Variants in COL24A1 observed in about 807,000 individuals in gnomAD.
The protein encoded by COL24A1 is collagen type XXIV alpha 1 chain, also known as collagen alpha-1(XXIV) chain.
A neutral mutation model predicts 253.9 loss-of-function variants in COL24A1; 224 were observed. The ratio of observed to expected loss-of-function variants is 0.88; its 90% CI spans 0.79 to 0.99. The LOEUF is 0.99. COL24A1 is among the 50% of genes least tolerant of loss of function. The probability of loss-of-function intolerance (pLI) is 0.00; values close to 1 mark genes in which losing one functional copy is unlikely to be tolerated. For synonymous variants in COL24A1, 685 were observed against 673.7 expected (o/e 1.02, Z -0.26); for missense variants, 2,131 against 2,068.5 (o/e 1.03, Z -0.59).
intron 51 of COL24A1, 66 bp downstream of exon 51, chr1:85,783,430 A>G: frequency 7.8e-7 from 1 of 1,288,846 alleles, no homozygotes; most frequent in Non-Finnish European, 1.1e-6. Context: ...TTACATTTAG[A>G]GCTCTTAAGC....
At chr1:86,130,734 A>G (rs1413162656) in intron 2 of COL24A1, among the ~76,000 whole-genome samples, 19 of 151,988 alleles carry the variant, frequency 1.3e-4, no homozygotes, top group Admixed American at 1.1e-3. Flanking sequence ...GCTTCTTCAG[A>G]TAAGGCAATC....
chr1:85,962,193 T>C (rs1289726705), intron 23 of COL24A1, among the ~76,000 whole-genome samples: 1 of 151,728 alleles, frequency 6.6e-6, no homozygotes, highest in East Asian at 1.9e-4. Flanking sequence ...CTAAAGGAGG[T>C]CTTAGGAGCA....
At chr1:85,851,673 T>C (rs1677784075) in intron 37 of COL24A1, among the ~76,000 whole-genome samples, 1 of 152,192 alleles carries the variant, frequency 6.6e-6, no homozygotes, top group South Asian at 2.1e-4. Context: ...TTATTGGTTA[T>C]TATGGAAAAA....
rs1207384604 is a variant in COL24A1 at position 86,087,907 on chromosome 1, GAA to G, written c.1707+1265_1707+1266del. ...TAAGGTCTAGGATGAAGACTAGTCT[GAA>G]GGACATTAAAATAATGGTGTGGTCA... On this transcript the variant is annotated intron_variant, in intron 7 of 59. Coordinates refer to ENST00000370571, the MANE Select transcript of COL24A1 (RefSeq NM_152890.7). 2.6e-5 allele frequency among the ~76,000 whole-genome samples: 4 copies of G among 152,186 alleles called. No individual in the cohort carries two copies. The East Asian group carries it at 7.7e-4, about 29-fold the overall frequency.
At chr1:85,914,751 T>C (rs1477845743) in intron 24 of COL24A1, among the ~76,000 whole-genome samples, 2 of 152,152 alleles carry the variant, frequency 1.3e-5, no homozygotes, top group Admixed American at 6.5e-5. Context: ...CTAAGTATGG[T>C]TAATTTTACA....
chr1:86,104,995 C>A (rs554282570), intron 5 of COL24A1, among the ~76,000 whole-genome samples: 1 of 152,174 alleles, frequency 6.6e-6, no homozygotes, highest in African/African-American at 2.4e-5. Flanking sequence ...AGCACAGGGA[C>A]GAGGCACTGG....
chr1:85,932,263 A>G (rs976834643), intron 24 of COL24A1, among the ~76,000 whole-genome samples: 6 of 69,466 alleles, frequency 8.6e-5, no homozygotes, highest in African/African-American at 3.3e-4. Context: ...AACCCCATCA[A>G]AAAGTGGGCA....
At chr1:85,835,664 A>G (rs1022596390) in intron 43 of COL24A1, among the ~76,000 whole-genome samples, 2 of 152,216 alleles carry the variant, frequency 1.3e-5, no homozygotes, top group Non-Finnish European at 2.9e-5. Flanking sequence ...AAAAGGCTAC[A>G]TGTATAATTC....
At chr1:86,155,028 G>T (rs1161130115) in intron 1 of COL24A1, 1 of 152,460 alleles carries the variant, frequency 6.6e-6, no homozygotes, top group African/African-American at 2.4e-5. Flanking sequence ...CATGCGACCT[G>T]CGTGAGCCGC....
rs12033365 is a variant in COL24A1 at position 85,927,154 on chromosome 1, C to T, written c.2563-15721G>A. Among the ~76,000 whole-genome samples, 128 of 152,236 alleles carry T rather than the reference C, an allele frequency of 8.4e-4. 1 individual carries two copies. Among genetic ancestry groups the T allele is most frequent in the East Asian group, 7.6e-3 (39 of 5,158 alleles). ...ACGCAGAAGACGGGTGATTTCTGCA[C>T]TTCCATCTGAGGTACCGGGTTCATC... On this transcript the variant is annotated intron_variant, in intron 24 of 59. Transcript: ENST00000370571.
At chr1:85,877,299 T>C in intron 32 of COL24A1, 124 bp from the exon 33 acceptor site, 1 of 612,138 alleles carries the variant, frequency 1.6e-6, no homozygotes, top group Non-Finnish European at 2.7e-6. Context: ...ACATAATACA[T>C]TTATCAGCAT....
rs989829984 is a variant in COL24A1 at position 85,823,442 on chromosome 1, A to C, written c.3789+94T>G. On this transcript the variant is annotated intron_variant, in intron 45 of 59. Transcript: ENST00000370571. ...TCCATATTCTACAGTGATAAATGAT[A>C]ATTTGAATTACAATAAATAGTAACT... 15 of 1,172,526 alleles carry C rather than the reference A, an allele frequency of 1.3e-5. No homozygotes were observed. In the East Asian group the frequency reaches 3.0e-4, roughly 23 times the overall value. The allele number at this position is 1,172,526 out of a possible 1,614,324, so 72.6% of individuals were successfully genotyped here. A position where few individuals can be genotyped will look rare whatever the true frequency, so the allele number is the denominator to read the frequency against.
chr1:86,026,951 C>T (rs1040711480), intron 14 of COL24A1, among the ~76,000 whole-genome samples: 3 of 152,294 alleles, frequency 2.0e-5, no homozygotes, highest in Admixed American at 6.5e-5. Flanking sequence ...AAGGGTGACT[C>T]TTGCTATGCT....
At chr1:86,091,999 C>T (rs1277326721) in intron 6 of COL24A1, among the ~76,000 whole-genome samples, 3 of 151,796 alleles carry the variant, frequency 2.0e-5, no homozygotes, top group Non-Finnish European at 4.4e-5. Context: ...TAATTTTTAC[C>T]CCATCCACCC....
At chr1:85,796,638 C>G (rs1187994779) in intron 47 of COL24A1, among the ~76,000 whole-genome samples, 3 of 152,148 alleles carry the variant, frequency 2.0e-5, no homozygotes, top group Non-Finnish European at 2.9e-5. Context: ...ACTCCTGGCT[C>G]TTAGTAGGCA....
intron 37 of COL24A1, among the ~76,000 whole-genome samples, chr1:85,864,900 GC>G: frequency 6.6e-6 from 1 of 152,246 alleles, no homozygotes; most frequent in Admixed American, 6.5e-5. Flanking sequence ...AGATTTTTTA[GC>G]ATAGATAACA....
At chr1:85,981,323 C>A (rs188366814) in intron 20 of COL24A1, among the ~76,000 whole-genome samples, 1 of 152,128 alleles carries the variant, frequency 6.6e-6, no homozygotes, top group East Asian at 1.9e-4. Context: ...ACAAGAGAAC[C>A]CAGAAATAAA....
At chr1:85,809,006 C>T (rs1350021358) in intron 47 of COL24A1, among the ~76,000 whole-genome samples, 4 of 152,110 alleles carry the variant, frequency 2.6e-5, no homozygotes, top group Admixed American at 1.3e-4. Context: ...GATGGGGCCA[C>T]AGGATCAGTT....
rs565175694 is a variant in COL24A1, at chr1:85,922,140, C to CA, written c.2563-10708dup. 1.1e-3 allele frequency among the ~76,000 whole-genome samples: 173 copies of CA among 152,168 alleles called. 1 individual carries two copies. Among genetic ancestry groups the CA allele is most frequent in the African/African-American group, 4.0e-3 (166 of 41,510 alleles). The stretch of plus-strand genomic sequence containing the variant: ...AGAAAAAATAATAAAAAGAAACGAA[C>CA]AAAGCCTCCAAGAAATATGGGATTA... On this transcript the variant is annotated intron_variant, in intron 24 of 59. Transcript: ENST00000370571.
Sources: allele counts gnomAD v4.1 joint callset (sites outside exome capture counted in the v4.1 genomes callset), GRCh38; gene constraint gnomAD v4.1.1; transcripts MANE v1.5; gene names NCBI Gene and HGNC (gene_info 2026-07-23, HGNC 2026-07-21).